Variants in TOX observed in about 807,000 individuals in gnomAD.
TOX encodes thymocyte selection associated high mobility group box.
A neutral mutation model predicts 53.7 loss-of-function variants in TOX; 11 were observed. The observed-to-expected ratio is 0.20, with a 90% CI of 0.13 to 0.34. TOX has a LOEUF of 0.34. TOX is among the 10% of genes least tolerant of loss of function. TOX has a pLI of 1.00. For synonymous variants in TOX, 225 were observed against 245.3 expected (o/e 0.92, Z 0.77); for missense variants, 570 against 664.6 (o/e 0.86, Z 1.56).
chr8:58,931,125 A>G (rs1812247266), intron 3 of TOX, among the ~76,000 whole-genome samples: 1 of 152,220 alleles, frequency 6.6e-6, no homozygotes, highest in South Asian at 2.1e-4. Flanking sequence ...CTAGAAACCA[A>G]CACAGCAAGA....
intron 3 of TOX, among the ~76,000 whole-genome samples, chr8:58,852,401 T>C (rs1585860819): frequency 6.6e-6 from 1 of 152,308 alleles, no homozygotes; most frequent in African/African-American, 2.4e-5. Flanking sequence ...CAATTATTAA[T>C]TGACTATTGA....
chr8:59,047,305 C>A (rs930074942), intron 1 of TOX, among the ~76,000 whole-genome samples: 3 of 148,350 alleles, frequency 2.0e-5, no homozygotes, highest in Non-Finnish European at 4.5e-5. Context: ...CAAGCTCCAC[C>A]TCCTGGGTTC....
At chr8:58,998,536 T>TATTTATATATAATAAATTTATGTA (rs1813619976) in intron 1 of TOX, among the ~76,000 whole-genome samples, 3 of 37,744 alleles carry the variant, frequency 7.9e-5, no homozygotes, top group African/African-American at 4.0e-4. Flanking sequence ...TATATATATA[T>TATTTATATATAATAAATTTATGTA]ATAAATTTAT....
At chr8:58,863,034 T>G (rs1343355147) in intron 3 of TOX, among the ~76,000 whole-genome samples, 2 of 152,256 alleles carry the variant, frequency 1.3e-5, no homozygotes, top group Non-Finnish European at 2.9e-5. Flanking sequence ...GAATTATCTA[T>G]CATTTACTGG....
chr8:59,070,506 AACACACACACAC>A (rs371344375), intron 1 of TOX, among the ~76,000 whole-genome samples: 1,890 of 140,224 alleles, frequency 0.013, 63 homozygotes, highest in African/African-American at 0.047. Flanking sequence ...TGTCAAGGAA[AACACACACACAC>A]ACACACACAC....
At chr8:58,973,958 T>C (rs1433256287) in intron 1 of TOX, among the ~76,000 whole-genome samples, 1 of 152,076 alleles carries the variant, frequency 6.6e-6, no homozygotes, top group African/African-American at 2.4e-5. Context: ...CCACCATGCC[T>C]GGCTAATTTT....
rs534605671 is a variant in TOX, at chr8:59,059,671, T to C, written c.102+59215A>G. Among the ~76,000 whole-genome samples the C allele has an allele frequency of 5.3e-5, 8 of 152,318 alleles. No homozygotes were observed. In the East Asian group the frequency reaches 1.5e-3, roughly 29 times the overall value. On this transcript the variant is annotated intron_variant, in intron 1 of 8. Transcript: ENST00000361421. ...TACATTATTTGTCAAGGAAAACACA[T>C]TACTCTTTGAAAAACAGAAAAGTTG...
At chr8:59,073,327 A>G (rs1428936924) in intron 1 of TOX, among the ~76,000 whole-genome samples, 1 of 152,166 alleles carries the variant, frequency 6.6e-6, no homozygotes, top group Admixed American at 6.5e-5. Flanking sequence ...TAACTTATGC[A>G]TTTTGTTAAA....
At chr8:59,013,496 C>T (rs1813951320) in intron 1 of TOX, among the ~76,000 whole-genome samples, 1 of 151,848 alleles carries the variant, frequency 6.6e-6, no homozygotes, top group Non-Finnish European at 1.5e-5. Flanking sequence ...CTACAACCTC[C>T]GCCTCCCAAG....
chr8:58,925,875 G>A (rs1159887954), intron 3 of TOX, among the ~76,000 whole-genome samples: 4 of 152,160 alleles, frequency 2.6e-5, no homozygotes, highest in African/African-American at 9.7e-5. Flanking sequence ...TCTGCCACCT[G>A]AGGCTGTGCT....
intron 1 of TOX, among the ~76,000 whole-genome samples, chr8:59,015,884 T>A (rs1813999029): frequency 6.6e-6 from 1 of 152,204 alleles, no homozygotes; most frequent in Non-Finnish European, 1.5e-5. Context: ...ATTTGAGATG[T>A]TTCTATTGCT....
At chr8:59,057,011 C>T (rs933444316) in intron 1 of TOX, among the ~76,000 whole-genome samples, 2 of 152,134 alleles carry the variant, frequency 1.3e-5, no homozygotes, top group African/African-American at 4.8e-5. Context: ...GAAAAATACC[C>T]TTTGATACCC....
intron 3 of TOX, among the ~76,000 whole-genome samples, chr8:58,922,834 G>T (rs1371767246): frequency 6.6e-6 from 1 of 152,234 alleles, no homozygotes; most frequent in Non-Finnish European, 1.5e-5. Flanking sequence ...ACAGGGTGAT[G>T]TAATGAGGGG....
rs190563832 is a variant in TOX, at chr8:58,883,698, A to G, written c.412-31893T>C. 2.3e-4 allele frequency among the ~76,000 whole-genome samples: 35 copies of G among 152,244 alleles called. 1 individual carries two copies. The highest frequency in any genetic ancestry group is 2.2e-3 in the Admixed American group (34 of 15,286). On this transcript the variant is annotated intron_variant, in intron 3 of 8. Coordinates refer to ENST00000361421, the MANE Select transcript of TOX (RefSeq NM_014729.3). Reference sequence around the variant, plus strand: ...AAGTGGACAAAGTATGGAATGTAGGATTTCTATGAACATTGTTCATTCGTA... The same window carrying G: ...AAGTGGACAAAGTATGGAATGTAGGGTTTCTATGAACATTGTTCATTCGTA...
chr8:59,017,157 G>A (rs77266185), intron 1 of TOX, among the ~76,000 whole-genome samples: 2,733 of 152,292 alleles, frequency 0.018, 40 homozygotes, highest in Middle Eastern at 0.092. Context: ...TCTAAGGCTG[G>A]TATTACTAAC....
chr8:59,001,680 T>A (rs959112650), intron 1 of TOX, among the ~76,000 whole-genome samples: 1 of 152,182 alleles, frequency 6.6e-6, no homozygotes, highest in South Asian at 2.1e-4. Flanking sequence ...AAAAAGATTT[T>A]AAAAATACTA....
chr8:59,073,545 G>A (rs1043046206), intron 1 of TOX, among the ~76,000 whole-genome samples: 5 of 152,046 alleles, frequency 3.3e-5, no homozygotes, highest in Admixed American at 2.0e-4. Flanking sequence ...ACATATAGTA[G>A]GAGACTTTTT....
chr8:58,988,361 T>A, intron 1 of TOX, among the ~76,000 whole-genome samples: 1 of 152,338 alleles, frequency 6.6e-6, no homozygotes, highest in East Asian at 1.9e-4. Flanking sequence ...AAAACAGCCA[T>A]GTTCTTTCAT....
intron 2 of TOX, among the ~76,000 whole-genome samples, chr8:58,951,155 G>A (rs967088982): frequency 5.9e-5 from 9 of 152,150 alleles, no homozygotes; most frequent in Non-Finnish European, 8.8e-5. Context: ...GAGTTTGACA[G>A]AAGCCTTAGA....
Sources: allele counts gnomAD v4.1 joint callset (sites outside exome capture counted in the v4.1 genomes callset), GRCh38; gene constraint gnomAD v4.1.1; transcripts MANE v1.5; gene names NCBI Gene and HGNC (gene_info 2026-07-23, HGNC 2026-07-21).